TDRD12: variants seen among roughly 807,000 people sequenced by gnomAD.
TDRD12 encodes the protein putative ATP-dependent RNA helicase TDRD12.
In TDRD12, 158 loss-of-function variants were observed where a neutral mutation model predicts 133.5. The observed-to-expected ratio is 1.18, with a 90% CI of 1.04 to 1.35. TDRD12 has a LOEUF of 1.35. TDRD12 is among the 40% of genes most tolerant of loss of function. The pLI is 0.00. For missense variants in TDRD12, 1,443 were observed against 1,321.3 expected, an observed-to-expected ratio of 1.09 and a Z score of -1.43; for synonymous variants, 460 against 477.9, an observed-to-expected ratio of 0.96 and a Z score of 0.49.
In TDRD12 at chr19:32,790,741, C is replaced by T. The variant is rs374571113; in HGVS notation, c.1182+150C>T. 4.6e-5 allele frequency: 70 copies of T among 1,532,772 alleles called. 1 individual carries two copies. In the African/African-American group the frequency reaches 7.1e-4, roughly 15 times the overall value. 94.9% of individuals were successfully genotyped at this position (1,532,772 alleles called of 1,614,324 possible). On this transcript the variant is annotated intron_variant, in intron 12 of 27. Transcript: ENST00000444215. The stretch of plus-strand genomic sequence containing the variant: ...CTGAAGACATCCTTTTAGAAACGAT[C>T]GAATGGATTGTTGCTTCTGAGAAAT...
intron 13 of TDRD12, among the ~76,000 whole-genome samples, chr19:32,791,661 C>G (rs1396268594): frequency 6.6e-6 from 1 of 152,064 alleles, no homozygotes; most frequent in Non-Finnish European, 1.5e-5. Context: ...CGTGAACCAC[C>G]AGCTCTGTCT....
chr19:32,812,322 C>T (rs1201978871), intron 24 of TDRD12, among the ~76,000 whole-genome samples: 1 of 152,168 alleles, frequency 6.6e-6, no homozygotes, highest in African/African-American at 2.4e-5. Context: ...ATCACTGGAG[C>T]ATGAGTCGTG....
intron 6 of TDRD12, among the ~76,000 whole-genome samples, chr19:32,750,671 A>T (rs1306490782): frequency 6.6e-6 from 1 of 152,068 alleles, no homozygotes; most frequent in African/African-American, 2.4e-5. Flanking sequence ...AGCACCTCCC[A>T]CTGCGCCTGT....
At chr19:32,746,801 G>A (rs1244593397) in intron 4 of TDRD12, among the ~76,000 whole-genome samples, 4 of 145,190 alleles carry the variant, frequency 2.8e-5, no homozygotes, top group South Asian at 2.3e-4. Flanking sequence ...TGAGAGAGAC[G>A]GGGAGAGAGA....
At chr19:32,826,033 T>C, downstream of TDRD12, 1 of 1,205,396 alleles carries the variant, frequency 8.3e-7, no homozygotes, top group Non-Finnish European at 1.2e-6. Flanking sequence ...TATATATATA[T>C]GTGTGTACAT....
Position 32,789,345 on chromosome 19 carries a change from G to A in TDRD12, c.1122-1186G>A, listed in dbSNP as rs75314081. 3.0e-3 allele frequency among the ~76,000 whole-genome samples: 451 copies of A among 151,984 alleles called. 6 individuals carry two copies. The highest frequency in any genetic ancestry group is 0.01 in the African/African-American group (433 of 41,478). On this transcript the variant is annotated intron_variant, in intron 11 of 27. Coordinates refer to ENST00000444215, the Ensembl canonical transcript of TDRD12. The stretch of plus-strand genomic sequence containing the variant: ...TGATTCATGTACCCTTTTTTCAAGT[G>A]TACAATTCAGTGATTTTTAGTGTAT...
intron 1 of TDRD12, among the ~76,000 whole-genome samples, chr19:32,726,212 C>G (rs966880163): frequency 2.0e-5 from 3 of 151,976 alleles, no homozygotes; most frequent in Admixed American, 2.0e-4. Context: ...TCCCAAGTAG[C>G]TGGGACTACA....
At chr19:32,720,187 C>T in intron 1 of TDRD12, 91 bp downstream of exon 1, 1 of 1,442,478 alleles carries the variant, frequency 6.9e-7, no homozygotes, top group Admixed American at 2.1e-5. Context: ...CACCCCAGCT[C>T]CGCACAGCTT....
chr19:32,770,639 G>T (rs989026861), intron 8 of TDRD12, among the ~76,000 whole-genome samples: 8 of 152,070 alleles, frequency 5.3e-5, no homozygotes, highest in African/African-American at 1.9e-4. Flanking sequence ...GGAATTGCTT[G>T]GGTTCGAATC....
intron 1 of TDRD12, among the ~76,000 whole-genome samples, chr19:32,724,735 C>T (rs1968805053): frequency 6.6e-6 from 1 of 152,100 alleles, no homozygotes; most frequent in Non-Finnish European, 1.5e-5. Context: ...TTGGTATATA[C>T]CCAGTAATGG....
chr19:32,765,429 C>T lies in TDRD12; in HGVS notation c.866-7324C>T, dbSNP rs150137995. ...ATTATAAGTCATACTGCTATAAAGA[C>T]ACATGCACACATATGTTTATTGCGG... is the stretch of plus-strand genomic sequence containing the variant. On this transcript the variant is annotated intron_variant, in intron 8 of 27. Coordinates refer to ENST00000444215, the Ensembl canonical transcript of TDRD12. Among the ~76,000 whole-genome samples the T allele has an allele frequency of 3.5e-3, 529 of 152,266 alleles. 10 individuals are homozygous for T. Among genetic ancestry groups the T allele is most frequent in the Non-Finnish European group, 9.7e-4 (66 of 68,032 alleles).
chr19:32,789,115 C>A (rs1206753912), intron 11 of TDRD12, among the ~76,000 whole-genome samples: 1 of 151,698 alleles, frequency 6.6e-6, no homozygotes, highest in Non-Finnish European at 1.5e-5. Context: ...GCAGAGGTTC[C>A]CCCCTCTGCC....
intron 14 of TDRD12, among the ~76,000 whole-genome samples, chr19:32,795,797 A>G (rs1345900553): frequency 1.3e-5 from 2 of 152,152 alleles, no homozygotes; most frequent in Non-Finnish European, 2.9e-5. Flanking sequence ...GAAACTCACA[A>G]TCATTGCAGA....
At chr19:32,811,876 A>G (rs1282862778) in intron 24 of TDRD12, among the ~76,000 whole-genome samples, 1 of 152,160 alleles carries the variant, frequency 6.6e-6, no homozygotes, top group Non-Finnish European at 1.5e-5. Flanking sequence ...CTCTTAAAAA[A>G]CAAAGCAAAT....
At chr19:32,747,939 C>T (rs192252262) in intron 4 of TDRD12, among the ~76,000 whole-genome samples, 3 of 152,192 alleles carry the variant, frequency 2.0e-5, no homozygotes, top group Admixed American at 6.5e-5. Context: ...CCCTTGAGCC[C>T]AGGAGTTCAA....
chr19:32,796,316 G>A (rs957631518), intron 14 of TDRD12: 4 of 409,968 alleles, frequency 9.8e-6, no homozygotes, highest in Admixed American at 1.3e-4. Context: ...TTGGCCGGGC[G>A]CAGTGGCTCA....
chr19:32,808,645 G>A (rs1274417216), intron 22 of TDRD12, among the ~76,000 whole-genome samples: 1 of 152,162 alleles, frequency 6.6e-6, no homozygotes, highest in Non-Finnish European at 1.5e-5. Context: ...GTGAGCTTGG[G>A]GGTTAGGACA....
At position 32,728,737 on chromosome 19, in the gene TDRD12, C is replaced by T. The variant is rs1411051331; in HGVS notation, c.25-2988C>T. On this transcript the variant is annotated intron_variant, in intron 1 of 27. Transcript: ENST00000444215. ...CTTGGTTCACTGCAAGCTCCGCCTC[C>T]TGGGTTCACTCCATTCTTCTGCCTC... 2.0e-5 allele frequency among the ~76,000 whole-genome samples: 3 copies of T among 150,702 alleles called. No individual in the cohort carries two copies. The South Asian group carries it at 6.3e-4, about 32-fold the overall frequency.
chr19:32,744,367 G>A (rs937846904), intron 4 of TDRD12, among the ~76,000 whole-genome samples: 1 of 151,770 alleles, frequency 6.6e-6, no homozygotes, highest in Non-Finnish European at 1.5e-5. Flanking sequence ...AGGCGCAGTG[G>A]TACGCGCCTG....
Sources: gnomAD v4.1 joint callset for allele counts (sites outside exome capture counted in the v4.1 genomes callset) on GRCh38, gnomAD v4.1.1 for gene constraint, MANE v1.5 for transcripts, NCBI Gene and HGNC (gene_info 2026-07-23, HGNC 2026-07-21) for gene names.